Variants in STOX2 observed in about 807,000 individuals in gnomAD.
STOX2 encodes the protein storkhead box 2, also known as storkhead-box protein 2.
STOX2 carries 28 observed loss-of-function variants against 60.9 expected under a neutral mutation model. The observed-to-expected ratio is 0.46, with a 90% CI of 0.34 to 0.63. The LOEUF (loss-of-function observed/expected upper bound fraction) is 0.63, where lower values mean the gene tolerates loss of function less well. Among genes scored for constraint, STOX2 ranks in the 30% least tolerant of loss-of-function variants. The probability of loss-of-function intolerance (pLI) is 0.01; values close to 1 mark genes in which losing one functional copy is unlikely to be tolerated. For missense variants in STOX2, 1,024 were observed against 1,187.7 expected, an observed-to-expected ratio of 0.86 and a Z score of 2.03; for synonymous variants, 472 against 463.9, an observed-to-expected ratio of 1.02 and a Z score of -0.22.
At chr4:183,951,077 G>T (rs968817837) in intron 1 of STOX2, among the ~76,000 whole-genome samples, 1 of 151,814 alleles carries the variant, frequency 6.6e-6, no homozygotes, top group African/African-American at 2.4e-5. Flanking sequence ...TTAGCCGGGC[G>T]TGGTGGCGGG....
chr4:183,818,214 T>C (rs1421195706), intron 1 of STOX2, among the ~76,000 whole-genome samples: 1 of 151,978 alleles, frequency 6.6e-6, no homozygotes, highest in East Asian at 1.9e-4. Flanking sequence ...AACAAAGGTC[T>C]CTGGTTTTCC....
chr4:184,001,419 G>A lies in STOX2; in HGVS notation c.261G>A (p.Ser87=), dbSNP rs776162604. ...GCTTGGCCATCTCAGCAATGAACTC[G>A]GCAAGAAAGCCTGTCACCCAAGAAG... ...ILCLAISAMN[S]ARKPVTQEAL... is the part of the protein sequence containing the mutation. The change falls in exon 2 of 4, where the codon TCG becomes TCA. Residue 87 remains serine (S), a synonymous_variant. Coordinates refer to ENST00000308497, the MANE Select transcript of STOX2 (RefSeq NM_020225.3). This position sits in a 1 kb window ranked among gnomAD's most constrained non-coding sequence, Gnocchi z 4.2. 45 of 1,613,614 alleles carry A rather than the reference G, an allele frequency of 2.8e-5. No homozygotes were observed. The highest frequency in any genetic ancestry group is 1.1e-4 in the African/African-American group (8 of 74,828).
chr4:183,957,153 T>TTTTAA (rs1425290753), intron 1 of STOX2, among the ~76,000 whole-genome samples: 1 of 73,996 alleles, frequency 1.4e-5, no homozygotes. Context: ...TAAAGTATAA[T>TTTTAA]AATAATAATA....
chr4:183,918,946 C>A (rs1742011706), intron 1 of STOX2, among the ~76,000 whole-genome samples: 1 of 152,178 alleles, frequency 6.6e-6, no homozygotes, highest in Non-Finnish European at 1.5e-5. Context: ...GCTGCATCTA[C>A]CCCCGAGTTT....
At position 184,001,617 on chromosome 4, in the gene STOX2, C is replaced by A; in HGVS notation, c.319+140C>A. On this transcript the variant is annotated intron_variant, in intron 2 of 3. Coordinates refer to ENST00000308497, the MANE Select transcript of STOX2 (RefSeq NM_020225.3). This position sits in a 1 kb window ranked among gnomAD's most constrained non-coding sequence, Gnocchi z 4.2. ...AACTGACCCGAAGCTTTCCTTACTT[C>A]TGTAATTAAAAATTCAGGCACCTGC... 1.3e-6 allele frequency: 1 copy of A among 784,194 alleles called. No homozygotes were observed. Among genetic ancestry groups the A allele is most frequent in the Non-Finnish European group, 1.8e-6 (1 of 541,426 alleles). 48.6% of individuals were successfully genotyped at this position (784,194 alleles called of 1,614,324 possible). A position where few individuals can be genotyped will look rare whatever the true frequency, so the allele number is the denominator to read the frequency against.
intron 1 of STOX2, among the ~76,000 whole-genome samples, chr4:183,951,589 T>A (rs1359033937): frequency 6.6e-6 from 1 of 151,278 alleles, no homozygotes. Context: ...CAGCTGGGAT[T>A]ACAGGCGTGA....
At chr4:183,867,375 G>A (rs1740595240) in intron 1 of STOX2, among the ~76,000 whole-genome samples, 2 of 152,192 alleles carry the variant, frequency 1.3e-5, no homozygotes. Flanking sequence ...TGAAAGGCTG[G>A]CACTTCTTAA....
At position 183,865,504 on chromosome 4, in the gene STOX2, A is replaced by G. The variant is rs1178204452; in HGVS notation, c.364+67449A>G. 1.3e-5 allele frequency among the ~76,000 whole-genome samples: 2 copies of G among 152,230 alleles called. No individual in the cohort carries two copies. The highest frequency in any genetic ancestry group is 6.5e-5 in the Admixed American group (1 of 15,282). ...ATGAGCTTACGGTCTGTTTGGGGAGATAAGTATTATAATACAATTTAATAA... is the reference window on the plus strand; with the variant it reads ...ATGAGCTTACGGTCTGTTTGGGGAGGTAAGTATTATAATACAATTTAATAA... On this transcript the variant is annotated intron_variant, in intron 1 of 2. Coordinates refer to the STOX2 transcript ENST00000513034. The surrounding 1 kb of genome is among the most constrained non-coding windows in gnomAD (Gnocchi z 4.1).
At chr4:183,879,195 C>T (rs1001390354) in intron 1 of STOX2, among the ~76,000 whole-genome samples, 3 of 152,184 alleles carry the variant, frequency 2.0e-5, no homozygotes, top group Non-Finnish European at 2.9e-5. Flanking sequence ...CAGGCAGCCT[C>T]AGGCCAGCCT....
intron 1 of STOX2, among the ~76,000 whole-genome samples, chr4:183,871,148 G>A (rs565720081): frequency 4.7e-4 from 71 of 152,308 alleles, no homozygotes; most frequent in African/African-American, 1.7e-3. Context: ...TACCATCCTT[G>A]CAGGGAGCAC....
intron 1 of STOX2, among the ~76,000 whole-genome samples, chr4:183,893,125 C>T (rs1025154979): frequency 2.0e-5 from 3 of 151,204 alleles, no homozygotes; most frequent in Non-Finnish European, 1.5e-5. Flanking sequence ...TTTTTTTTCC[C>T]CTCTCCCTCA....
chr4:183,951,082 G>T (rs188704640), intron 1 of STOX2, among the ~76,000 whole-genome samples: 1 of 151,850 alleles, frequency 6.6e-6, no homozygotes, highest in Admixed American at 6.6e-5. Context: ...CGGGCGTGGT[G>T]GCGGGCGCCT....
chr4:183,841,185 A>G (rs1029836144), intron 1 of STOX2, among the ~76,000 whole-genome samples: 3 of 147,158 alleles, frequency 2.0e-5, no homozygotes, highest in South Asian at 2.1e-4. Flanking sequence ...CGTAGTATTT[A>G]TTTATTTATT....
chr4:183,902,683 T>A (rs1741488314), upstream of STOX2, among the ~76,000 whole-genome samples: 1 of 152,198 alleles, frequency 6.6e-6, no homozygotes, highest in African/African-American at 2.4e-5. Flanking sequence ...AACAGGGAAC[T>A]CCATTTTTCT....
chr4:183,800,422 C>T (rs1738735908), intron 1 of STOX2, among the ~76,000 whole-genome samples: 1 of 152,188 alleles, frequency 6.6e-6, no homozygotes, highest in Admixed American at 6.5e-5. Context: ...CGTACAAAAC[C>T]AGAAACCAAA....
chr4:183,987,893 A>G (rs1732916164), intron 1 of STOX2: 1 of 152,236 alleles, frequency 6.6e-6, no homozygotes, highest in Non-Finnish European at 1.5e-5. Flanking sequence ...GCCTTAACAC[A>G]ACATAGGAAA....
intron 1 of STOX2, among the ~76,000 whole-genome samples, chr4:183,862,698 G>A (rs1053407487): frequency 5.9e-5 from 9 of 152,220 alleles, no homozygotes; most frequent in African/African-American, 1.9e-4. Context: ...CTGAGGGCTC[G>A]ATACAGGCTT....
intron 1 of STOX2, among the ~76,000 whole-genome samples, chr4:183,810,733 C>T (rs1441328875): frequency 1.3e-5 from 2 of 152,030 alleles, no homozygotes; most frequent in Admixed American, 6.6e-5. Flanking sequence ...CACCCCCACC[C>T]CATGCAATGG....
At chr4:183,899,794 G>A (rs1450651580) in intron 1 of STOX2, among the ~76,000 whole-genome samples, 1 of 152,176 alleles carries the variant, frequency 6.6e-6, no homozygotes, top group Non-Finnish European at 1.5e-5. Context: ...CATTGATGAA[G>A]GTGACTATAC....
Sources: gnomAD v4.1 joint callset for allele counts (sites outside exome capture counted in the v4.1 genomes callset) on GRCh38, gnomAD v4.1.1 for gene constraint, Gnocchi (gnomAD v3.1) non-coding constraint, MANE v1.5 for transcripts, NCBI Gene and HGNC (gene_info 2026-07-23, HGNC 2026-07-21) for gene names.